Variants in PSIP1 observed in about 807,000 individuals in gnomAD.
PSIP1 encodes PC4 and SFRS1-interacting protein.
Under a neutral mutation model 74.7 loss-of-function variants are expected in PSIP1, and 19 were observed. The ratio of observed to expected loss-of-function variants is 0.25; its 90% CI spans 0.18 to 0.37. The LOEUF (loss-of-function observed/expected upper bound fraction) is 0.37, where lower values mean the gene tolerates loss of function less well. Among genes scored for constraint, PSIP1 ranks in the 10% least tolerant of loss-of-function variants. The pLI is 1.00. For synonymous variants in PSIP1, 222 were observed against 195.3 expected (o/e 1.14, Z -1.14); for missense variants, 601 against 614.3 (o/e 0.98, Z 0.23).
At chr9:15,486,778 C>G in intron 5 of PSIP1, 49 bp downstream of exon 5, 1 of 1,340,640 alleles carries the variant, frequency 7.5e-7, no homozygotes, top group Non-Finnish European at 1.0e-6. Context: ...TTCATTATTT[C>G]TTCCTTGAAA....
In PSIP1 at chr9:15,471,432, G is replaced by A. The variant is rs569919450; in HGVS notation, c.977+1200C>T. The A allele has an allele frequency of 4.1e-6, 6 of 1,449,856 alleles. No homozygotes were observed. In the South Asian group the frequency reaches 8.3e-5, roughly 20 times the overall value. 89.8% of individuals were successfully genotyped at this position (1,449,856 alleles called of 1,614,324 possible). A position where few individuals can be genotyped will look rare whatever the true frequency, so the allele number is the denominator to read the frequency against. On this transcript the variant is annotated intron_variant, in intron 10 of 15. Transcript: ENST00000380733. Reference sequence around the variant, plus strand: ...CTGAAATACATAAAGATAACTTTAAGATACTAAAGAAGGGTTGGGCTACAT... The same window carrying A: ...CTGAAATACATAAAGATAACTTTAAAATACTAAAGAAGGGTTGGGCTACAT...
chr9:15,466,111 G>C (rs1385662443), intron 15 of PSIP1, among the ~76,000 whole-genome samples: 1 of 151,702 alleles, frequency 6.6e-6, no homozygotes, highest in African/African-American at 2.4e-5. Flanking sequence ...CGGGCATGTT[G>C]GCTCACAGCT....
At chr9:15,505,291 A>G (rs929392736) in intron 3 of PSIP1, 1 of 152,190 alleles carries the variant, frequency 6.6e-6, no homozygotes, top group African/African-American at 2.4e-5. Flanking sequence ...GCTAGACCTG[A>G]CAACACACTT....
intron 8 of PSIP1, among the ~76,000 whole-genome samples, chr9:15,476,941 G>A (rs1345072984): frequency 6.6e-6 from 1 of 152,150 alleles, no homozygotes; most frequent in Non-Finnish European, 1.5e-5. Flanking sequence ...CTTTTCAGAT[G>A]CAACAAAGGA....
At chr9:15,494,501 GT>G (rs2036980483) in intron 3 of PSIP1, among the ~76,000 whole-genome samples, 1 of 146,398 alleles carries the variant, frequency 6.8e-6, no homozygotes. Context: ...GGAGGCGGAG[GT>G]TGTGGTGAGC....
At position 15,502,277 on chromosome 9, in the gene PSIP1, GA is replaced by G. The variant is rs1042298313; in HGVS notation, c.149+4283del. On this transcript the variant is annotated intron_variant, in intron 3 of 15. Coordinates refer to ENST00000380733, the MANE Select transcript of PSIP1 (RefSeq NM_033222.5). The stretch of plus-strand genomic sequence containing the variant: ...ATTGCATTAAGGTAATAATGACAAA[GA>G]AAAAAAATCTATACATATTCACTAC... Among the ~76,000 whole-genome samples the G allele has an allele frequency of 1.3e-4, 20 of 151,562 alleles. 1 individual carries two copies. Among genetic ancestry groups the G allele is most frequent in the East Asian group, 9.7e-4 (5 of 5,174 alleles).
chr9:15,500,291 C>T (rs1373413973), intron 3 of PSIP1, among the ~76,000 whole-genome samples: 1 of 152,008 alleles, frequency 6.6e-6, no homozygotes, highest in African/African-American at 2.4e-5. Flanking sequence ...CGGTGAAACC[C>T]GGTCTCTACT....
intron 5 of PSIP1, 63 bp downstream of exon 5, chr9:15,486,764 T>C: frequency 8.6e-7 from 1 of 1,159,222 alleles, no homozygotes; most frequent in Non-Finnish European, 1.3e-6. Flanking sequence ...CATGGCCAAC[T>C]CATTTCATTA....
At chr9:15,506,416 A>G (rs2037589759) in intron 3 of PSIP1, 145 bp downstream of exon 3, 2 of 525,764 alleles carry the variant, frequency 3.8e-6, no homozygotes, top group African/African-American at 1.9e-5. Context: ...CGCTACCTTA[A>G]AAATAGAGAC....
At chr9:15,490,151 G>C in intron 3 of PSIP1, 27 bp from the exon 4 acceptor site, 5 of 1,546,630 alleles carry the variant, frequency 3.2e-6, no homozygotes, top group Non-Finnish European at 4.3e-6. Flanking sequence ...GAAGATGTGA[G>C]TGCAAAGCAA....
At chr9:15,472,431 G>C in intron 10 of PSIP1, 1 of 1,365,774 alleles carries the variant, frequency 7.3e-7, no homozygotes, top group African/African-American at 1.5e-5. Context: ...CAGAGTGACT[G>C]CCTCAGTCAA....
chr9:15,500,808 T>C (rs549817131), intron 3 of PSIP1, among the ~76,000 whole-genome samples: 2 of 152,326 alleles, frequency 1.3e-5, no homozygotes, highest in South Asian at 4.1e-4. Flanking sequence ...ATATCTTTAT[T>C]TAAATTTCCT....
At chr9:15,488,255 T>TG (rs1427788106) in intron 4 of PSIP1, among the ~76,000 whole-genome samples, 1 of 152,002 alleles carries the variant, frequency 6.6e-6, no homozygotes, top group Non-Finnish European at 1.5e-5. Flanking sequence ...TTGCTTGACC[T>TG]GGGGGGCAGA....
Position 15,471,376 on chromosome 9 carries a change from GAAA to G in PSIP1, c.977+1253_977+1255del. On this transcript the variant is annotated intron_variant, in intron 10 of 15. Transcript: ENST00000380733. ...AGAAAACACAAATATTAGAATTTGA[GAAA>G]GTTACATTGGAGGACATTCAAAAGA... 15 of 1,542,132 alleles carry G rather than the reference GAAA, an allele frequency of 9.7e-6. No individual in the cohort carries two copies. In the South Asian group the frequency reaches 1.7e-4, roughly 18 times the overall value.
intron 15 of PSIP1, 169 bp from the exon 16 acceptor site, chr9:15,465,749 T>C: frequency 1.9e-6 from 1 of 539,868 alleles, no homozygotes; most frequent in Non-Finnish European, 3.2e-6. Flanking sequence ...TTTTTTCTTC[T>C]TCAAAACTGT....
At chr9:15,480,357 TCCC>T (rs1453077553) in intron 6 of PSIP1, among the ~76,000 whole-genome samples, 1 of 151,716 alleles carries the variant, frequency 6.6e-6, no homozygotes, top group Non-Finnish European at 1.5e-5. Flanking sequence ...CTTCCCCAAC[TCCC>T]CCAACTATTT....
intron 4 of PSIP1, among the ~76,000 whole-genome samples, chr9:15,488,437 C>T (rs1348599196): frequency 1.9e-4 from 29 of 152,148 alleles, no homozygotes; most frequent in Admixed American, 1.8e-3. Flanking sequence ...GACCTCAGGT[C>T]TTAAACAGAG....
chr9:15,477,178 T>C (rs914850817), intron 8 of PSIP1, among the ~76,000 whole-genome samples: 2 of 152,166 alleles, frequency 1.3e-5, no homozygotes, highest in East Asian at 3.8e-4. Flanking sequence ...TTCACTATAA[T>C]AGTTAAAGTA....
chr9:15,490,943 T>C (rs957088323), intron 3 of PSIP1, among the ~76,000 whole-genome samples: 2 of 152,210 alleles, frequency 1.3e-5, no homozygotes, highest in African/African-American at 4.8e-5. Flanking sequence ...CTATCAATTT[T>C]TGCTATCTGT....
Sources: gnomAD v4.1 joint callset for allele counts (sites outside exome capture counted in the v4.1 genomes callset) on GRCh38, gnomAD v4.1.1 for gene constraint, MANE v1.5 for transcripts, NCBI Gene and HGNC (gene_info 2026-07-23, HGNC 2026-07-21) for gene names.